CYFIP1: variants seen among roughly 807,000 people sequenced by gnomAD.
The protein encoded by CYFIP1 is cytoplasmic FMR1 interacting protein 1, also known as cytoplasmic FMR1-interacting protein 1.
A neutral mutation model predicts 163.5 loss-of-function variants in CYFIP1; 58 were observed. The observed-to-expected ratio is 0.35, with a 90% CI of 0.29 to 0.44. The LOEUF is 0.44. Ranked by LOEUF, CYFIP1 falls within the 20% of genes least tolerant of loss-of-function variation. CYFIP1 has a pLI of 1.00. For synonymous variants in CYFIP1, 663 were observed against 660.7 expected (o/e 1.00, Z -0.05); for missense variants, 1,338 against 1,653.8 (o/e 0.81, Z 3.31).
chr15:22,915,522 G>A (rs1006929072), intron 16 of CYFIP1, among the ~76,000 whole-genome samples: 11 of 152,092 alleles, frequency 7.2e-5, no homozygotes, highest in Non-Finnish European at 1.6e-4. Context: ...AGGCCGAGGC[G>A]GGTGGATCAC....
chr15:22,977,585 C>T (rs1595748215), intron 1 of CYFIP1, among the ~76,000 whole-genome samples: 1 of 152,128 alleles, frequency 6.6e-6, no homozygotes, highest in Non-Finnish European at 1.5e-5. Context: ...AATCCCAGCA[C>T]GTTGGGAGGC....
intron 1 of CYFIP1, among the ~76,000 whole-genome samples, chr15:22,973,364 G>A (rs1185154803): frequency 1.4e-5 from 2 of 147,138 alleles, no homozygotes; most frequent in African/African-American, 5.0e-5. Flanking sequence ...ACCATTAGCA[G>A]TTATTCTCAC....
At chr15:22,874,734 T>G (rs2059534344) in intron 27 of CYFIP1, 90 bp from the exon 28 acceptor site, 1 of 843,778 alleles carries the variant, frequency 1.2e-6, no homozygotes, top group African/African-American at 1.8e-5. Context: ...AACAAAAGAT[T>G]TTTAAGTTAA....
chr15:22,933,998 C>T, intron 9 of CYFIP1, 105 bp from the exon 10 acceptor site: 1 of 719,538 alleles, frequency 1.4e-6, no homozygotes, highest in Non-Finnish European at 2.3e-6. Flanking sequence ...GGCTTGAATG[C>T]TACCTCTGCA....
chr15:22,951,750 G>A (rs905361719), intron 1 of CYFIP1, among the ~76,000 whole-genome samples: 2 of 152,150 alleles, frequency 1.3e-5, no homozygotes, highest in African/African-American at 2.4e-5. Context: ...CTTCCTCCCC[G>A]GCCTCTGCCC....
At chr15:22,930,942 G>A (rs1020985374) in intron 11 of CYFIP1, among the ~76,000 whole-genome samples, 6 of 152,266 alleles carry the variant, frequency 3.9e-5, no homozygotes, top group Non-Finnish European at 2.9e-5. Context: ...CCTCCCACTC[G>A]CTCGCCACTC....
chr15:22,968,519 G>C, intron 1 of CYFIP1, among the ~76,000 whole-genome samples: 1 of 152,134 alleles, frequency 6.6e-6, no homozygotes, highest in Non-Finnish European at 1.5e-5. Flanking sequence ...CTCTACAATT[G>C]TGAGTCAGAT....
rs138510002 is a variant in CYFIP1 at position 22,870,049 on chromosome 15, G to A, written c.3741C>T (p.His1247=). The change falls in exon 31 of 31, where the codon CAC becomes CAT. Residue 1247 remains histidine, a synonymous_variant. Coordinates refer to ENST00000617928, the MANE Select transcript of CYFIP1 (RefSeq NM_014608.6). ...GCCCTCAGCTGCTGGCGAGGGACTG[G>A]TGGATGGGCGGCTGGAAGCAGCGCA... The part of the protein sequence containing the change: ...EHVRCFQPPI[H]QSLASS The A allele has an allele frequency of 3.3e-4, 538 of 1,607,902 alleles. No individual in the cohort carries two copies. Among genetic ancestry groups the A allele is most frequent in the Non-Finnish European group, 4.1e-4 (488 of 1,178,074 alleles).
chr15:22,912,874 T>C (rs2060832423), intron 17 of CYFIP1, among the ~76,000 whole-genome samples: 1 of 151,958 alleles, frequency 6.6e-6, no homozygotes, highest in South Asian at 2.1e-4. Context: ...TGAGCTGAGA[T>C]CGTGCCACTA....
In CYFIP1 at chr15:22,917,419, C is replaced by T; in HGVS notation, c.1674+369G>A. 1.5e-6 allele frequency: 1 copy of T among 657,800 alleles called. No individual in the cohort carries two copies. The highest frequency in any genetic ancestry group is 2.2e-6 in the Non-Finnish European group (1 of 452,178). The allele number at this position is 657,800 out of a possible 1,614,324, so 40.7% of individuals were successfully genotyped here. On this transcript the variant is annotated intron_variant, in intron 15 of 30. Transcript: ENST00000617928. This position sits in a 1 kb window ranked among gnomAD's most constrained non-coding sequence, Gnocchi z 4.2. ...CACGCAAGCAGCACCTCACAGTTTC[C>T]CACGCCCCATCTACAGTCATTTGCA... is the stretch of plus-strand genomic sequence containing the variant.
chr15:22,927,414 C>T (rs1004294930), intron 12 of CYFIP1, among the ~76,000 whole-genome samples: 1 of 142,598 alleles, frequency 7.0e-6, no homozygotes, highest in African/African-American at 2.7e-5. Context: ...ACCCAGGAGG[C>T]AGAGGTTGCA....
chr15:22,939,353 C>T (rs1443137578), intron 7 of CYFIP1, 33 bp from the exon 8 acceptor site: 2 of 1,614,090 alleles, frequency 1.2e-6, no homozygotes, highest in South Asian at 2.2e-5. Context: ...CATGCATGGG[C>T]CCGGCGCCCG....
intron 24 of CYFIP1, among the ~76,000 whole-genome samples, chr15:22,882,159 T>C (rs548899620): frequency 6.6e-6 from 1 of 152,270 alleles, no homozygotes; most frequent in Admixed American, 6.5e-5. Context: ...GACTCCTCTT[T>C]CAAGATGAAA....
At chr15:22,934,890 T>C (rs1395886308) in intron 9 of CYFIP1, among the ~76,000 whole-genome samples, 3 of 151,742 alleles carry the variant, frequency 2.0e-5, no homozygotes, top group Non-Finnish European at 4.4e-5. Context: ...CATCAGTAAA[T>C]CTAACAAAAA....
At chr15:22,915,344 C>G (rs1344284573) in intron 16 of CYFIP1, among the ~76,000 whole-genome samples, 1 of 152,070 alleles carries the variant, frequency 6.6e-6, no homozygotes, top group East Asian at 1.9e-4. Flanking sequence ...AGGCTGGTCT[C>G]AAACTCCCGA....
intron 20 of CYFIP1, 72 bp from the exon 21 acceptor site, chr15:22,909,385 A>G (rs1392718531): frequency 6.3e-6 from 10 of 1,587,618 alleles, no homozygotes; most frequent in African/African-American, 1.3e-5. Context: ...ACGCCTCACC[A>G]GAGACCCTGG....
At chr15:22,941,069 A>G (rs1007175498) in intron 6 of CYFIP1, among the ~76,000 whole-genome samples, 1 of 151,988 alleles carries the variant, frequency 6.6e-6, no homozygotes, top group Non-Finnish European at 1.5e-5. Context: ...CTTTTTTTTT[A>G]AATAGACACA....
chr15:22,934,177 CTTTTTTTTTTT>C (rs1163626431), intron 9 of CYFIP1, among the ~76,000 whole-genome samples: 43 of 66,158 alleles, frequency 6.5e-4, no homozygotes, highest in Non-Finnish European at 7.9e-4. Flanking sequence ...GCATTTCTTT[CTTTTTTTTTTT>C]TTTTTTTTTT....
At chr15:22,974,160 C>G (rs1421010308) in intron 1 of CYFIP1, among the ~76,000 whole-genome samples, 2 of 152,192 alleles carry the variant, frequency 1.3e-5, no homozygotes, top group African/African-American at 2.4e-5. Flanking sequence ...TATGACCCAG[C>G]AACACCACTG....
Sources: allele counts gnomAD v4.1 joint callset (sites outside exome capture counted in the v4.1 genomes callset), GRCh38; gene constraint gnomAD v4.1.1; non-coding constraint Gnocchi (gnomAD v3.1); transcripts MANE v1.5; gene names NCBI Gene and HGNC (gene_info 2026-07-23, HGNC 2026-07-21).